The following PTPN14 variants were observed in gnomAD, a reference collection of about 807,000 sequenced individuals.
PTPN14 encodes protein tyrosine phosphatase non-receptor type 14, also known as tyrosine-protein phosphatase non-receptor type 14.
Under a neutral mutation model 126.8 loss-of-function variants are expected in PTPN14, and 53 were observed. The observed-to-expected ratio is 0.42, with a 90% CI of 0.34 to 0.53. The LOEUF (loss-of-function observed/expected upper bound fraction) is 0.53. PTPN14 is among the 20% of genes least tolerant of loss of function. The probability of loss-of-function intolerance (pLI) is 0.08; values close to 1 mark genes in which losing one functional copy is unlikely to be tolerated. For synonymous variants in PTPN14, 630 were observed against 599.3 expected, an observed-to-expected ratio of 1.05 and a Z score of -0.75; for missense variants, 1,257 against 1,552.9, an observed-to-expected ratio of 0.81 and a Z score of 3.20.
intron 3 of PTPN14, among the ~76,000 whole-genome samples, chr1:214,433,657 T>G (rs1442611389): frequency 1.3e-5 from 2 of 152,004 alleles, no homozygotes; most frequent in Non-Finnish European, 2.9e-5. Context: ...AGAAAAAGGT[T>G]GTATTCTGCT....
intron 5 of PTPN14, among the ~76,000 whole-genome samples, chr1:214,405,355 C>T (rs1459279687): frequency 3.9e-5 from 6 of 152,168 alleles, no homozygotes; most frequent in African/African-American, 1.4e-4. Flanking sequence ...GTCTCCCACC[C>T]TCTATCAGAG....
At chr1:214,435,047 A>C (rs1659880856) in intron 3 of PTPN14, among the ~76,000 whole-genome samples, 1 of 152,234 alleles carries the variant, frequency 6.6e-6, no homozygotes, top group Non-Finnish European at 1.5e-5. Flanking sequence ...AAGCCATCCT[A>C]GGCTGCATGT....
intron 10 of PTPN14, among the ~76,000 whole-genome samples, chr1:214,392,460 G>A (rs907695398): frequency 5.9e-5 from 9 of 152,130 alleles, no homozygotes; most frequent in African/African-American, 1.9e-4. Context: ...TAAATCAGAA[G>A]ACAAGAGTAA....
At chr1:214,487,399 G>A (rs1661138396) in intron 1 of PTPN14, among the ~76,000 whole-genome samples, 1 of 152,170 alleles carries the variant, frequency 6.6e-6, no homozygotes, top group Non-Finnish European at 1.5e-5. Context: ...GCTGAGGTGG[G>A]CAGATCAGCT....
intron 1 of PTPN14, among the ~76,000 whole-genome samples, chr1:214,507,974 A>C (rs1040002853): frequency 6.6e-5 from 10 of 152,184 alleles, no homozygotes; most frequent in African/African-American, 2.2e-4. Flanking sequence ...CCTGCGCAAC[A>C]TAATGAGACT....
chr1:214,520,927 C>G (rs1457140976), intron 1 of PTPN14, among the ~76,000 whole-genome samples: 6 of 152,118 alleles, frequency 3.9e-5, no homozygotes, highest in Admixed American at 3.9e-4. Context: ...AGGCCAGTGT[C>G]TCTTTAAAGA....
At chr1:214,452,921 T>G (rs1419149559) in intron 2 of PTPN14, among the ~76,000 whole-genome samples, 1 of 152,150 alleles carries the variant, frequency 6.6e-6, no homozygotes, top group Non-Finnish European at 1.5e-5. Flanking sequence ...ATGTTCAATT[T>G]CCAAAGGCAT....
At chr1:214,406,788 C>G (rs1162839807) in intron 5 of PTPN14, among the ~76,000 whole-genome samples, 2 of 152,134 alleles carry the variant, frequency 1.3e-5, no homozygotes, top group African/African-American at 4.8e-5. Flanking sequence ...TTTAACCTGT[C>G]AGAGCATTTT....
intron 3 of PTPN14, among the ~76,000 whole-genome samples, chr1:214,449,093 G>A (rs929728248): frequency 2.9e-5 from 4 of 138,996 alleles, no homozygotes; most frequent in Admixed American, 7.9e-5. Context: ...TGCAAGCTCC[G>A]CCTCTTGGGT....
At chr1:214,462,980 C>T (rs1660544895) in intron 2 of PTPN14, among the ~76,000 whole-genome samples, 1 of 152,064 alleles carries the variant, frequency 6.6e-6, no homozygotes, top group Admixed American at 6.6e-5. Flanking sequence ...GTGAAGTAAG[C>T]ATTATTATTG....
At position 214,445,818 on chromosome 1, in the gene PTPN14, T is replaced by G. The variant is rs538079972; in HGVS notation, c.344+5987A>C. ...GTATCCTTCTGTTTGAGTAAGAATT[T>G]ATCCACCTCTCAGAAGCCATCTTTT... On this transcript the variant is annotated intron_variant, in intron 3 of 18. Transcript: ENST00000366956. 1.2e-3 allele frequency among the ~76,000 whole-genome samples: 186 copies of G among 152,310 alleles called. 1 individual carries two copies. Among genetic ancestry groups the G allele is most frequent in the African/African-American group, 4.4e-3 (181 of 41,556 alleles).
chr1:214,419,326 A>C (rs1222930162), intron 3 of PTPN14, among the ~76,000 whole-genome samples: 3 of 152,158 alleles, frequency 2.0e-5, no homozygotes, highest in African/African-American at 7.2e-5. Context: ...GTTCAAATTT[A>C]GTTAAACCAA....
intron 3 of PTPN14, among the ~76,000 whole-genome samples, chr1:214,433,949 CACAA>C (rs1448354749): frequency 2.9e-5 from 2 of 68,606 alleles, no homozygotes; most frequent in African/African-American, 1.4e-4. Context: ...CACACACACA[CACAA>C]AAAAAAAAAA....
Position 214,384,868 on chromosome 1 carries a change from A to G in PTPN14, c.1067-80T>C. The G allele has an allele frequency of 6.7e-7, 1 of 1,486,356 alleles. No homozygotes were observed. Among genetic ancestry groups the G allele is most frequent in the Non-Finnish European group, 9.0e-7 (1 of 1,107,620 alleles). The allele number at this position is 1,486,356 out of a possible 1,614,324, so 92.1% of individuals were successfully genotyped here. A position where few individuals can be genotyped will look rare whatever the true frequency, so the allele number is the denominator to read the frequency against. On this transcript the variant is annotated intron_variant, in intron 12 of 18. Coordinates refer to ENST00000366956, the MANE Select transcript of PTPN14 (RefSeq NM_005401.5). This position sits in a 1 kb window ranked among gnomAD's most constrained non-coding sequence, Gnocchi z 5.3. ...AGTACATCCTCATACTCATGAGGTGACTTTTAATTTAAACAAATCATAAAA... is the reference window on the plus strand; with the variant it reads ...AGTACATCCTCATACTCATGAGGTGGCTTTTAATTTAAACAAATCATAAAA...
intron 4 of PTPN14, among the ~76,000 whole-genome samples, chr1:214,413,492 CCA>C (rs1659355602): frequency 6.6e-6 from 1 of 152,088 alleles, no homozygotes; most frequent in Non-Finnish European, 1.5e-5. Flanking sequence ...TCAATTCAGC[CCA>C]GTGTTTGGGA....
At chr1:214,453,385 G>C (rs1026602862) in intron 2 of PTPN14, among the ~76,000 whole-genome samples, 27 of 152,204 alleles carry the variant, frequency 1.8e-4, no homozygotes, top group African/African-American at 6.0e-4. Flanking sequence ...TTGGAGGTCA[G>C]TCCATCTCCC....
At chr1:214,484,120 G>T (rs1260246334) in intron 1 of PTPN14, among the ~76,000 whole-genome samples, 1 of 152,186 alleles carries the variant, frequency 6.6e-6, no homozygotes. Flanking sequence ...TTAGGAATTT[G>T]GTGTTGGATG....
chr1:214,407,965 T>C (rs1005327474), intron 5 of PTPN14, among the ~76,000 whole-genome samples: 3 of 152,058 alleles, frequency 2.0e-5, no homozygotes, highest in African/African-American at 7.2e-5. Flanking sequence ...CAGTGGATGC[T>C]TTCTGAACAC....
chr1:214,445,195 G>T (rs1362794737), intron 3 of PTPN14, among the ~76,000 whole-genome samples: 1 of 152,204 alleles, frequency 6.6e-6, no homozygotes, highest in Non-Finnish European at 1.5e-5. Context: ...CCTAAGAGTA[G>T]GGGATACCCA....
Sources: allele counts gnomAD v4.1 joint callset (sites outside exome capture counted in the v4.1 genomes callset), GRCh38; gene constraint gnomAD v4.1.1; non-coding constraint Gnocchi (gnomAD v3.1); transcripts MANE v1.5; gene names NCBI Gene and HGNC (gene_info 2026-07-23, HGNC 2026-07-21).